The following ZNF804B variants were observed in gnomAD, a reference collection of about 807,000 sequenced individuals.
ZNF804B encodes the protein zinc finger protein 804B.
ZNF804B carries 80 observed loss-of-function variants against 101.4 expected under a neutral mutation model. The ratio of observed to expected loss-of-function variants is 0.79; its 90% CI spans 0.66 to 0.95. The LOEUF is 0.95. Ranked by LOEUF, ZNF804B falls within the 40% of genes least tolerant of loss-of-function variation. ZNF804B has a pLI of 0.00. For synonymous variants in ZNF804B, 622 were observed against 558.8 expected, an observed-to-expected ratio of 1.11 and a Z score of -1.59; for missense variants, 1,673 against 1,561.9, an observed-to-expected ratio of 1.07 and a Z score of -1.20.
intron 1 of ZNF804B, among the ~76,000 whole-genome samples, chr7:88,992,447 A>T (rs1793860701): frequency 6.6e-6 from 1 of 152,092 alleles, no homozygotes; most frequent in African/African-American, 2.4e-5. Context: ...ACACCCAGTT[A>T]TTATCTCATA....
chr7:89,046,424 T>C (rs982526), intron 1 of ZNF804B, among the ~76,000 whole-genome samples: 70,322 of 151,942 alleles, frequency 0.46, 16,926 homozygotes, highest in Non-Finnish European at 0.53. Flanking sequence ...TCTTTCTGTA[T>C]TTCAAAATGT....
At chr7:89,096,549 T>C (rs1341155994) in intron 1 of ZNF804B, among the ~76,000 whole-genome samples, 1 of 152,190 alleles carries the variant, frequency 6.6e-6, no homozygotes, top group Non-Finnish European at 1.5e-5. Context: ...TGAGAGATCA[T>C]ATATTTGCAG....
chr7:88,882,581 G>A (rs186504147), intron 1 of ZNF804B, among the ~76,000 whole-genome samples: 8 of 152,218 alleles, frequency 5.3e-5, no homozygotes, highest in African/African-American at 1.4e-4. Context: ...TTGTATGTTG[G>A]TTGCAGTACT....
rs564733924 is a variant in ZNF804B, at chr7:89,289,903, T to A, written c.250-37441T>A. Among the ~76,000 whole-genome samples the A allele has an allele frequency of 9.9e-5, 15 of 152,282 alleles. No individual in the cohort carries two copies. In the South Asian group the frequency reaches 2.9e-3, roughly 29 times the overall value. On this transcript the variant is annotated intron_variant, in intron 2 of 3. Coordinates refer to ENST00000333190, the MANE Select transcript of ZNF804B (RefSeq NM_181646.5). Reference sequence around the variant, plus strand: ...GGTGGCTAAGAAAGCATTTGCACCATCCCTTTCCCAATCCCAGGCAGCACA... The same window carrying A: ...GGTGGCTAAGAAAGCATTTGCACCAACCCTTTCCCAATCCCAGGCAGCACA...
At position 88,834,741 on chromosome 7, in the gene ZNF804B, T is replaced by A. The variant is rs947943959; in HGVS notation, c.108+74657T>A. 3.3e-5 allele frequency among the ~76,000 whole-genome samples: 5 copies of A among 151,878 alleles called. No homozygotes were observed. In the East Asian group the frequency reaches 9.7e-4, roughly 29 times the overall value. On this transcript the variant is annotated intron_variant, in intron 1 of 3. Coordinates refer to ENST00000333190, the MANE Select transcript of ZNF804B (RefSeq NM_181646.5). ...TAAGTTGAACGATGCTATATTGATG[T>A]CAGATGCTCTGTTTGCCAAACTATT...
chr7:88,921,658 T>A (rs1358777790), intron 1 of ZNF804B, among the ~76,000 whole-genome samples: 3 of 152,072 alleles, frequency 2.0e-5, no homozygotes, highest in Non-Finnish European at 4.4e-5. Flanking sequence ...GAATGATTAC[T>A]AGCATGTTTA....
At chr7:89,052,281 G>A (rs1418224609) in intron 1 of ZNF804B, among the ~76,000 whole-genome samples, 1 of 151,972 alleles carries the variant, frequency 6.6e-6, no homozygotes, top group Non-Finnish European at 1.5e-5. Flanking sequence ...GGGACTACAG[G>A]TGTGTGCCAC....
At chr7:89,241,815 T>C (rs1403107957) in intron 2 of ZNF804B, among the ~76,000 whole-genome samples, 4 of 147,454 alleles carry the variant, frequency 2.7e-5, no homozygotes, top group East Asian at 3.9e-4. Flanking sequence ...TTTTTTTTTT[T>C]CTGCAGTCCT....
chr7:89,167,280 T>TAA (rs565635692), intron 1 of ZNF804B, among the ~76,000 whole-genome samples: 8,408 of 142,894 alleles, frequency 0.059, 777 homozygotes, highest in African/African-American at 0.2. Context: ...TGCTAAAAAT[T>TAA]AAAAAAAAAA....
intron 1 of ZNF804B, among the ~76,000 whole-genome samples, chr7:88,926,338 G>T (rs1013217094): frequency 6.6e-6 from 1 of 151,662 alleles, no homozygotes; most frequent in Non-Finnish European, 1.5e-5. Context: ...TGTAATCCTA[G>T]CACTTTGGGA....
At chr7:89,115,908 T>TA (rs1790303733) in intron 1 of ZNF804B, among the ~76,000 whole-genome samples, 1 of 150,760 alleles carries the variant, frequency 6.6e-6, no homozygotes, top group African/African-American at 2.4e-5. Context: ...TTTTTTGTTT[T>TA]TTTTTTTCTT....
At chr7:89,008,085 C>G (rs1788396624) in intron 1 of ZNF804B, among the ~76,000 whole-genome samples, 1 of 151,988 alleles carries the variant, frequency 6.6e-6, no homozygotes, top group African/African-American at 2.4e-5. Flanking sequence ...GTTATTCATC[C>G]CTATTGAATT....
chr7:89,047,061 G>A (rs1055820210), intron 1 of ZNF804B, among the ~76,000 whole-genome samples: 3 of 151,826 alleles, frequency 2.0e-5, no homozygotes, highest in Non-Finnish European at 2.9e-5. Context: ...ATCCTTTGAG[G>A]GTTTTAAAAT....
At chr7:89,108,497 T>C (rs186723231) in intron 1 of ZNF804B, among the ~76,000 whole-genome samples, 1 of 152,308 alleles carries the variant, frequency 6.6e-6, no homozygotes, top group Admixed American at 6.5e-5. Context: ...GCCTCACTTT[T>C]AGAAACTTTT....
intron 1 of ZNF804B, among the ~76,000 whole-genome samples, chr7:89,013,884 A>G (rs1788500362): frequency 6.6e-6 from 1 of 152,182 alleles, no homozygotes; most frequent in African/African-American, 2.4e-5. Context: ...ACTTTCTGTT[A>G]CCAGCTTATT....
At chr7:89,254,713 T>A (rs1789598814) in intron 2 of ZNF804B, among the ~76,000 whole-genome samples, 2 of 151,952 alleles carry the variant, frequency 1.3e-5, no homozygotes, top group African/African-American at 2.4e-5. Context: ...TGGCACAATC[T>A]TGGCTCATTG....
chr7:88,815,382 G>GT (rs71526616), intron 1 of ZNF804B, among the ~76,000 whole-genome samples: 30,831 of 149,048 alleles, frequency 0.21, 3,478 homozygotes, highest in East Asian at 0.42. Flanking sequence ...TTCAAGTCAA[G>GT]TTTTTTCCAT....
Position 89,335,016 on chromosome 7 carries a change from G to A in ZNF804B, c.2034G>A (p.Lys678=), listed in dbSNP as rs1791053684. 6.2e-7 allele frequency: 1 copy of A among 1,613,804 alleles called. No homozygotes were observed. Among genetic ancestry groups the A allele is most frequent in the South Asian group, 1.1e-5 (1 of 91,074 alleles). The change falls in exon 4 of 4, where the codon AAG becomes AAA. Residue 678 remains lysine (K), a synonymous_variant. Transcript: ENST00000333190. ...GGAAAGACTTCAGTGTAATTTTGAA[G>A]AGTAACCACATCAGCATGACCAGCA... ...DHGKDFSVIL[K]SNHISMTSKV... is the part of the protein sequence containing the mutation.
intron 1 of ZNF804B, among the ~76,000 whole-genome samples, chr7:89,041,549 G>A (rs76363478): frequency 0.02 from 2,990 of 152,296 alleles, 43 homozygotes; most frequent in African/African-American, 0.032. Flanking sequence ...TGGAGACTTG[G>A]TCTTTAAGGA....
Sources: gnomAD v4.1 joint callset for allele counts (sites outside exome capture counted in the v4.1 genomes callset) on GRCh38, gnomAD v4.1.1 for gene constraint, MANE v1.5 for transcripts, NCBI Gene and HGNC (gene_info 2026-07-23, HGNC 2026-07-21) for gene names.